The following CUL3 variants were observed in gnomAD, a reference collection of about 807,000 sequenced individuals.
The protein encoded by CUL3 is cullin-3.
In CUL3, 19 loss-of-function variants were observed where a neutral mutation model predicts 89.1. That is an observed-to-expected ratio of 0.21 (90% CI 0.15 to 0.31). The LOEUF (loss-of-function observed/expected upper bound fraction) is 0.31, where lower values mean the gene tolerates loss of function less well. CUL3 is among the 10% of genes least tolerant of loss of function. The pLI, the probability that CUL3 is intolerant of heterozygous loss-of-function variation, is 1.00. For missense variants in CUL3, 469 were observed against 942.3 expected (o/e 0.50, Z 6.58); for synonymous variants, 351 against 308.4 (o/e 1.14, Z -1.45).
intron 2 of CUL3, among the ~76,000 whole-genome samples, chr2:224,554,816 CCCA>C (rs1418564649): frequency 6.6e-6 from 1 of 152,184 alleles, no homozygotes; most frequent in African/African-American, 2.4e-5. Flanking sequence ...TGTTCTTAAT[CCCA>C]TACTCTCTAT....
At chr2:224,562,723 G>C (rs1694942682) in intron 1 of CUL3, 1 of 151,744 alleles carries the variant, frequency 6.6e-6, no homozygotes, top group Admixed American at 6.6e-5. Context: ...GCTGGGATTA[G>C]AACTTATATA....
chr2:224,536,270 A>G (rs1030309263), intron 2 of CUL3, among the ~76,000 whole-genome samples: 1 of 152,202 alleles, frequency 6.6e-6, no homozygotes, highest in Admixed American at 6.5e-5. Context: ...TCTTTACTAA[A>G]TACAGCAACT....
At chr2:224,509,821 T>G (rs1559152327) in intron 6 of CUL3, among the ~76,000 whole-genome samples, 1 of 152,198 alleles carries the variant, frequency 6.6e-6, no homozygotes, top group South Asian at 2.1e-4. Context: ...CAATACTCAT[T>G]TTGTTTAAGC....
intron 8 of CUL3, 111 bp downstream of exon 8, chr2:224,505,845 G>A: frequency 1.5e-6 from 1 of 645,460 alleles, no homozygotes; most frequent in Non-Finnish European, 2.4e-6. Flanking sequence ...ACCCATTTAA[G>A]CACAGCAATG....
At chr2:224,559,618 A>T (rs1003484304) in intron 1 of CUL3, among the ~76,000 whole-genome samples, 7 of 152,104 alleles carry the variant, frequency 4.6e-5, no homozygotes, top group Admixed American at 3.9e-4. Context: ...TCTTTCCATT[A>T]TATCTTGAAT....
intron 13 of CUL3, among the ~76,000 whole-genome samples, chr2:224,490,280 T>G (rs1691907916): frequency 6.6e-6 from 1 of 152,202 alleles, no homozygotes; most frequent in South Asian, 2.1e-4. Flanking sequence ...TAAAAGTCTC[T>G]GATATGCAGA....
At chr2:224,551,787 A>C (rs2106293938) in intron 2 of CUL3, among the ~76,000 whole-genome samples, 1 of 152,258 alleles carries the variant, frequency 6.6e-6, no homozygotes, top group Non-Finnish European at 1.5e-5. Context: ...AAAAATACTG[A>C]CTATCTGGTC....
intron 15 of CUL3, among the ~76,000 whole-genome samples, chr2:224,477,596 C>CA (rs1261923120): frequency 3.9e-5 from 6 of 152,162 alleles, no homozygotes; most frequent in African/African-American, 1.4e-4. Flanking sequence ...ACATCTGGAC[C>CA]ACAGCGGCAC....
At position 224,474,231 on chromosome 2, in the gene CUL3, T is replaced by C. The variant is rs1314299427; in HGVS notation, c.*14A>G. ...GAGTACAGTCCAAGAATAAATCAAA[T>C]TTCTGAACGCATTTTATGCTACATA... On this transcript the variant is annotated 3_prime_UTR_variant, in exon 16 of 16. Transcript: ENST00000264414. 6.2e-7 allele frequency: 1 copy of C among 1,611,202 alleles called. No individual in the cohort carries two copies.
chr2:224,573,156 C>T (rs951215691), intron 1 of CUL3, among the ~76,000 whole-genome samples: 1 of 152,152 alleles, frequency 6.6e-6, no homozygotes, highest in Non-Finnish European at 1.5e-5. Flanking sequence ...ATTTCTAATA[C>T]ATTTTACTGT....
Position 224,478,187 on chromosome 2 carries a change from G to A in CUL3, c.2175+13C>T, listed in dbSNP as rs747920022. 3.1e-6 allele frequency: 5 copies of A among 1,601,802 alleles called. No homozygotes were observed. In the South Asian group the frequency reaches 5.6e-5, roughly 18 times the overall value. On this transcript the variant is annotated intron_variant, in intron 15 of 15. Coordinates refer to ENST00000264414, the MANE Select transcript of CUL3 (RefSeq NM_003590.5). Reference sequence around the variant, plus strand: ...GTTTTTTCTATATTAGCCCAGTAGTGAAGAGTCCTCACCTCCGCTACTAGA... The same window carrying A: ...GTTTTTTCTATATTAGCCCAGTAGTAAAGAGTCCTCACCTCCGCTACTAGA...
In CUL3 at chr2:224,505,945, T is replaced by A; in HGVS notation, c.1206+11A>T. On this transcript the variant is annotated intron_variant, in intron 8 of 15. Coordinates refer to ENST00000264414, the MANE Select transcript of CUL3 (RefSeq NM_003590.5). Reference sequence around the variant, plus strand: ...AAATTAAATGTTATTTTCAAATGCATTACTACTTACCCCTTTGACTCCCTT... The same window carrying A: ...AAATTAAATGTTATTTTCAAATGCAATACTACTTACCCCTTTGACTCCCTT... 6.6e-7 allele frequency: 1 copy of A among 1,506,668 alleles called. No homozygotes were observed. The highest frequency in any genetic ancestry group is 1.3e-5 in the South Asian group (1 of 74,750). The allele number at this position is 1,506,668 out of a possible 1,614,324, so 93.3% of individuals were successfully genotyped here.
At chr2:224,533,571 A>G (rs1559185436) in intron 3 of CUL3, among the ~76,000 whole-genome samples, 3 of 152,230 alleles carry the variant, frequency 2.0e-5, no homozygotes, top group African/African-American at 7.2e-5. Flanking sequence ...TTCTTTTGTC[A>G]AAAGAATAAA....
rs929233188 is a variant in CUL3, at chr2:224,470,808, T to C, written c.*3437A>G. On this transcript the variant is annotated 3_prime_UTR_variant, in exon 16 of 16. Coordinates refer to ENST00000264414, the MANE Select transcript of CUL3 (RefSeq NM_003590.5). ...TATTGCAATGCTTCATGTATTAACT[T>C]TAGTTTGTCACATTACTATTCATGT... 8.7e-6 allele frequency: 2 copies of C among 231,026 alleles called. No individual in the cohort carries two copies. The highest frequency in any genetic ancestry group is 1.7e-5 in the Non-Finnish European group (2 of 116,770). The allele number at this position is 231,026 out of a possible 1,614,324, so 14.3% of individuals were successfully genotyped here. A position where few individuals can be genotyped will look rare whatever the true frequency, so the allele number is the denominator to read the frequency against.
chr2:224,581,799 G>A (rs1362636479), intron 1 of CUL3, among the ~76,000 whole-genome samples: 1 of 151,876 alleles, frequency 6.6e-6, no homozygotes, highest in African/African-American at 2.4e-5. Flanking sequence ...GTGTGAAGGT[G>A]TGAATCACCT....
intron 2 of CUL3, among the ~76,000 whole-genome samples, chr2:224,556,624 T>C (rs993657581): frequency 6.6e-6 from 1 of 152,138 alleles, no homozygotes; most frequent in Non-Finnish European, 1.5e-5. Flanking sequence ...AAATCACCAC[T>C]AAACAGGACA....
intron 13 of CUL3, 139 bp from the exon 14 acceptor site, chr2:224,482,217 T>C (rs1246977611): frequency 1.8e-6 from 1 of 565,794 alleles, no homozygotes; most frequent in African/African-American, 2.0e-5. Flanking sequence ...TTCTCTTGAG[T>C]ACTATGACAC....
At chr2:224,518,037 G>T (rs1360010336) in intron 3 of CUL3, among the ~76,000 whole-genome samples, 1 of 152,152 alleles carries the variant, frequency 6.6e-6, no homozygotes, top group Non-Finnish European at 1.5e-5. Flanking sequence ...TAAGCACAAA[G>T]TTCAACTGGT....
intron 6 of CUL3, among the ~76,000 whole-genome samples, chr2:224,509,191 C>T (rs546973087): frequency 1.3e-5 from 2 of 152,172 alleles, no homozygotes; most frequent in Non-Finnish European, 2.9e-5. Flanking sequence ...AGGTTTCTAG[C>T]GGAAGCTCAG....
Sources: allele counts gnomAD v4.1 joint callset (sites outside exome capture counted in the v4.1 genomes callset), GRCh38; gene constraint gnomAD v4.1.1; transcripts MANE v1.5; gene names NCBI Gene and HGNC (gene_info 2026-07-23, HGNC 2026-07-21).